The following THSD7A variants were observed in gnomAD, a reference collection of about 807,000 sequenced individuals.
THSD7A encodes thrombospondin type-1 domain-containing protein 7A.
A neutral mutation model predicts 231.3 loss-of-function variants in THSD7A; 96 were observed. That is an observed-to-expected ratio of 0.41 (90% CI 0.35 to 0.49). The LOEUF (loss-of-function observed/expected upper bound fraction) is 0.49, where lower values mean the gene tolerates loss of function less well. Ranked by LOEUF, THSD7A falls within the 20% of genes least tolerant of loss-of-function variation. The probability of loss-of-function intolerance (pLI) is 0.05; values close to 1 mark genes in which losing one functional copy is unlikely to be tolerated. For missense variants in THSD7A, 2,290 were observed against 2,070.2 expected, an observed-to-expected ratio of 1.11 and a Z score of -2.06; for synonymous variants, 940 against 743.3, an observed-to-expected ratio of 1.26 and a Z score of -4.30.
chr7:11,508,563 C>T (rs1467722275), intron 6 of THSD7A, among the ~76,000 whole-genome samples: 1 of 152,198 alleles, frequency 6.6e-6, no homozygotes, highest in South Asian at 2.1e-4. Context: ...AAAAATACAA[C>T]TACTACATGA....
At chr7:11,376,003 A>G (rs1444990656) in intron 27 of THSD7A, 125 bp from the exon 28 acceptor site, 4 of 773,112 alleles carry the variant, frequency 5.2e-6, no homozygotes, top group South Asian at 1.6e-5. Flanking sequence ...TGCGTTGCCT[A>G]AAGTCTATCT....
intron 2 of THSD7A, among the ~76,000 whole-genome samples, chr7:11,626,990 C>T (rs1364118723): frequency 3.3e-5 from 5 of 152,150 alleles, no homozygotes; most frequent in African/African-American, 1.2e-4. Flanking sequence ...TTCTCATTGG[C>T]TTCAGTTGAA....
intron 1 of THSD7A, among the ~76,000 whole-genome samples, chr7:11,701,576 G>A (rs1584234206): frequency 6.6e-6 from 1 of 150,588 alleles, no homozygotes. Context: ...CAAAAACTGT[G>A]TTTTTTTTCT....
intron 6 of THSD7A, among the ~76,000 whole-genome samples, chr7:11,499,837 T>A (rs1019822717): frequency 9.2e-5 from 14 of 152,182 alleles, no homozygotes; most frequent in African/African-American, 3.4e-4. Context: ...GCCAAATCTA[T>A]GAATCAGTGG....
chr7:11,466,730 C>A (rs1020738641), intron 9 of THSD7A, among the ~76,000 whole-genome samples: 1 of 152,062 alleles, frequency 6.6e-6, no homozygotes, highest in African/African-American at 2.4e-5. Flanking sequence ...ACTGCTCTGC[C>A]GCTTAGAGAG....
At chr7:11,383,578 T>C (rs977675470) in intron 23 of THSD7A, among the ~76,000 whole-genome samples, 5 of 152,016 alleles carry the variant, frequency 3.3e-5, no homozygotes, top group African/African-American at 1.2e-4. Flanking sequence ...AGACTGCCAT[T>C]GCTCTAAACA....
chr7:11,654,277 TA>T (rs1456010289), intron 1 of THSD7A, among the ~76,000 whole-genome samples: 6 of 151,964 alleles, frequency 3.9e-5, no homozygotes, highest in Non-Finnish European at 8.8e-5. Context: ...ACATTAAGTT[TA>T]AAATACAATG....
intron 2 of THSD7A, among the ~76,000 whole-genome samples, chr7:11,629,477 A>T (rs1310289070): frequency 6.6e-6 from 1 of 152,216 alleles, no homozygotes; most frequent in Non-Finnish European, 1.5e-5. Flanking sequence ...AAGATCTAAA[A>T]GCCTGCTATT....
chr7:11,508,503 A>C (rs899943678), intron 6 of THSD7A, among the ~76,000 whole-genome samples: 1 of 152,222 alleles, frequency 6.6e-6, no homozygotes, highest in African/African-American at 2.4e-5. Flanking sequence ...ATGAGAATAC[A>C]AAATGGTGTA....
At chr7:11,431,199 A>C (rs1784467667) in intron 13 of THSD7A, among the ~76,000 whole-genome samples, 1 of 152,204 alleles carries the variant, frequency 6.6e-6, no homozygotes, top group South Asian at 2.1e-4. Context: ...AAAAGTTTTA[A>C]ATGTCAATGA....
intron 6 of THSD7A, among the ~76,000 whole-genome samples, chr7:11,517,139 C>A (rs1788063124): frequency 6.6e-6 from 1 of 152,084 alleles, no homozygotes; most frequent in Non-Finnish European, 1.5e-5. Flanking sequence ...AGTTCAGTGG[C>A]ACAATCTTGG....
intron 22 of THSD7A, among the ~76,000 whole-genome samples, chr7:11,403,934 TTA>T: frequency 6.6e-6 from 1 of 152,192 alleles, no homozygotes; most frequent in East Asian, 1.9e-4. Flanking sequence ...TCTTTAAAGC[TTA>T]TTAGTTCACA....
At chr7:11,517,898 C>T (rs1788100825) in intron 6 of THSD7A, among the ~76,000 whole-genome samples, 1 of 152,106 alleles carries the variant, frequency 6.6e-6, no homozygotes, top group African/African-American at 2.4e-5. Flanking sequence ...CTTTCCGGAC[C>T]ACCCATGTGG....
intron 2 of THSD7A, among the ~76,000 whole-genome samples, chr7:11,609,699 T>C (rs1051444340): frequency 6.6e-6 from 1 of 152,160 alleles, no homozygotes; most frequent in East Asian, 1.9e-4. Flanking sequence ...GAAGGGACTT[T>C]AGTAAGCAGT....
intron 1 of THSD7A, among the ~76,000 whole-genome samples, chr7:11,643,228 G>C (rs887655655): frequency 3.3e-5 from 5 of 152,038 alleles, no homozygotes; most frequent in African/African-American, 1.2e-4. Flanking sequence ...ACTTTACTAA[G>C]ATCAAGGAGT....
Position 11,429,001 on chromosome 7 carries a change from A to G in THSD7A, c.3189T>C (p.Arg1063=), listed in dbSNP as rs777925868. The G allele has an allele frequency of 6.2e-7, 1 of 1,612,998 alleles. No homozygotes were observed. The highest frequency in any genetic ancestry group is 1.1e-5 in the South Asian group (1 of 90,926). The part of the protein sequence containing the change: ...SGVKVRSKWL[R]EKPYNGGRPC... ...GCCTTCCTCCATTATATGGTTTTTC[A>G]CGCAGCCATTTAGAACGAACCTTCA... The change falls in exon 14 of 28, where the codon CGT becomes CGC. Residue 1063 remains arginine, a synonymous_variant. Coordinates refer to ENST00000423059, the MANE Select transcript of THSD7A (RefSeq NM_015204.3).
chr7:11,460,847 A>T (rs1785480607), intron 10 of THSD7A, 82 bp from the exon 11 acceptor site: 2 of 1,043,742 alleles, frequency 1.9e-6, no homozygotes, highest in South Asian at 1.4e-5. Context: ...TGGAAACATG[A>T]CTTTGACCAC....
intron 4 of THSD7A, among the ~76,000 whole-genome samples, chr7:11,565,162 T>C (rs1252763500): frequency 6.6e-6 from 1 of 152,212 alleles, no homozygotes; most frequent in Non-Finnish European, 1.5e-5. Context: ...AAAAACAGCA[T>C]TAACTGATAC....
At chr7:11,760,141 A>G (rs1188251038) in intron 1 of THSD7A, among the ~76,000 whole-genome samples, 1 of 152,096 alleles carries the variant, frequency 6.6e-6, no homozygotes, top group Non-Finnish European at 1.5e-5. Flanking sequence ...AAATATTTCC[A>G]ATAAAATGCC....
Sources: gnomAD v4.1 joint callset for allele counts (sites outside exome capture counted in the v4.1 genomes callset) on GRCh38, gnomAD v4.1.1 for gene constraint, MANE v1.5 for transcripts, NCBI Gene and HGNC (gene_info 2026-07-23, HGNC 2026-07-21) for gene names.